The following OR3A2 variants were observed in gnomAD, a reference collection of about 807,000 sequenced individuals.
OR3A2 encodes olfactory receptor family 3 subfamily A member 2.
For missense variants in OR3A2, 318 were observed against 392.8 expected (o/e 0.81, Z 1.61); for synonymous variants, 126 against 159.3 (o/e 0.79, Z 1.57).
At chr17:3,278,769 G>T in exon 2 of OR3A2, 6 of 1,429,834 alleles carry the variant, frequency 4.2e-6, no homozygotes, top group South Asian at 4.0e-5. Flanking sequence ...CAAGACGGCT[G>T]CCAGGATGCT....
intron 3 of OR3A2, among the ~76,000 whole-genome samples, chr17:3,290,770 T>A (rs1814771024): frequency 6.6e-6 from 1 of 152,224 alleles, no homozygotes; most frequent in South Asian, 2.1e-4. Context: ...ACCATATGAC[T>A]TGCATTTATA....
chr17:3,368,397 G>C (rs546223405), intron 2 of OR3A2, among the ~76,000 whole-genome samples: 1 of 152,100 alleles, frequency 6.6e-6, no homozygotes, highest in South Asian at 2.1e-4. Context: ...GATCCATCTT[G>C]AGTAGATTTT....
At chr17:3,291,670 A>T (rs146097742) in intron 3 of OR3A2, 1 of 1,607,078 alleles carries the variant, frequency 6.2e-7, no homozygotes, top group Non-Finnish European at 8.5e-7. Flanking sequence ...AGCATCCTCC[A>T]GATGGCACTC....
chr17:3,324,195 G>A lies in OR3A2; in HGVS notation c.-85+11838C>T, dbSNP rs564852576. On this transcript the variant is annotated intron_variant, in intron 3 of 4. Coordinates refer to the OR3A2 transcript ENST00000573491. ...TTCGTCACGTAGTTCTCGTGCCTTG[G>A]TTTTCAGCTCCATCAGGTCTTTTAA... 2.6e-5 allele frequency among the ~76,000 whole-genome samples: 4 copies of A among 152,138 alleles called. No homozygotes were observed. In the South Asian group the frequency reaches 8.3e-4, roughly 32 times the overall value.
chr17:3,375,247 C>CTTTT (rs1567572519), intron 2 of OR3A2, among the ~76,000 whole-genome samples: 1 of 28,852 alleles, frequency 3.5e-5, no homozygotes, highest in African/African-American at 2.0e-4. Context: ...TTTTTTTTTC[C>CTTTT]CCCCCTTTTT....
intron 3 of OR3A2, among the ~76,000 whole-genome samples, chr17:3,332,045 A>T (rs1291471415): frequency 6.6e-6 from 1 of 151,920 alleles, no homozygotes; most frequent in East Asian, 1.9e-4. Flanking sequence ...GGGGTCAGGG[A>T]CCCACTTGAG....
chr17:3,276,439 T>C (rs2048735699), downstream of OR3A2, among the ~76,000 whole-genome samples: 1 of 152,238 alleles, frequency 6.6e-6, no homozygotes, highest in Non-Finnish European at 1.5e-5. Flanking sequence ...GTGTGATTTT[T>C]GGTGCAGTGA....
intron 2 of OR3A2, chr17:3,383,797 T>G (rs1444162375): frequency 6.6e-6 from 1 of 152,136 alleles, no homozygotes; most frequent in Non-Finnish European, 1.5e-5. Flanking sequence ...GTTATATATC[T>G]GGTTACCTTA....
At chr17:3,337,397 T>A (rs1465092594) in intron 2 of OR3A2, among the ~76,000 whole-genome samples, 1 of 152,144 alleles carries the variant, frequency 6.6e-6, no homozygotes, top group Non-Finnish European at 1.5e-5. Context: ...TTACATTAGG[T>A]ATATCTCCTA....
At position 3,371,727 on chromosome 17, in the gene OR3A2, CA is replaced by C. The variant is rs1174890637; in HGVS notation, c.-179+12076del. ...CCCCCCACCTCCCTCCCGGACGGGG[CA>C]GCTGGCCGGGCAGAGGGACTCCTCA... On this transcript the variant is annotated intron_variant, in intron 2 of 4. Transcript: ENST00000573491. 3.1e-4 allele frequency among the ~76,000 whole-genome samples: 40 copies of C among 127,678 alleles called. 1 individual carries two copies. The highest frequency in any genetic ancestry group is 1.2e-3 in the African/African-American group (40 of 33,492). The allele number at this position is 127,678 out of a possible 152,430, so 83.8% of individuals were successfully genotyped here.
chr17:3,280,828 T>C (rs2048772630), intron 1 of OR3A2, among the ~76,000 whole-genome samples: 1 of 152,174 alleles, frequency 6.6e-6, no homozygotes, highest in African/African-American at 2.4e-5. Flanking sequence ...CTGATATGAC[T>C]GCCTAGGGGT....
intron 1 of OR3A2, among the ~76,000 whole-genome samples, chr17:3,279,927 T>C (rs1433692340): frequency 1.3e-5 from 2 of 152,194 alleles, no homozygotes; most frequent in African/African-American, 4.8e-5. Flanking sequence ...CCAAGTACAT[T>C]TCTTCAAGGT....
At chr17:3,361,381 C>G (rs889404145) in intron 2 of OR3A2, among the ~76,000 whole-genome samples, 2 of 151,636 alleles carry the variant, frequency 1.3e-5, no homozygotes, top group African/African-American at 4.9e-5. Flanking sequence ...TTGACTTCCT[C>G]TTTTCCTAAC....
intron 2 of OR3A2, among the ~76,000 whole-genome samples, chr17:3,360,644 A>T (rs1230056226): frequency 1.3e-5 from 2 of 151,764 alleles, no homozygotes; most frequent in African/African-American, 2.4e-5. Flanking sequence ...ATGGCTAGCC[A>T]GTTTTCCCAG....
chr17:3,371,514 G>A (rs866794861), intron 2 of OR3A2, among the ~76,000 whole-genome samples: 1,538 of 138,732 alleles, frequency 0.011, 51 homozygotes, highest in African/African-American at 0.04. Flanking sequence ...CTGGCCGGGC[G>A]GGGGGCTGAC....
At chr17:3,347,389 C>A (rs2049375314) in intron 2 of OR3A2, among the ~76,000 whole-genome samples, 2 of 152,242 alleles carry the variant, frequency 1.3e-5, no homozygotes, top group South Asian at 2.1e-4. Flanking sequence ...TGCTATCCCT[C>A]CCCTCTCCCC....
chr17:3,347,239 C>CTT (rs56912829), intron 2 of OR3A2, among the ~76,000 whole-genome samples: 1 of 150,600 alleles, frequency 6.6e-6, no homozygotes, highest in African/African-American at 2.4e-5. Flanking sequence ...TGTATGTCTT[C>CTT]TTTTTTTTTT....
At chr17:3,294,284 G>A (rs1390889772) in intron 3 of OR3A2, among the ~76,000 whole-genome samples, 1 of 150,800 alleles carries the variant, frequency 6.6e-6, no homozygotes, top group African/African-American at 2.4e-5. Context: ...AATATGAGCT[G>A]GAAGAAGAAA....
At chr17:3,310,625 C>T (rs772738899) in intron 3 of OR3A2, 2 of 541,162 alleles carry the variant, frequency 3.7e-6, no homozygotes, top group Non-Finnish European at 7.6e-6. Flanking sequence ...CCGAGCTCTT[C>T]TTCTTCCACC....
Sources: gnomAD v4.1 joint callset for allele counts (sites outside exome capture counted in the v4.1 genomes callset) on GRCh38, gnomAD v4.1.1 for gene constraint, MANE v1.5 for transcripts, NCBI Gene and HGNC (gene_info 2026-07-23, HGNC 2026-07-21) for gene names.